The following DMXL2 variants were observed in gnomAD, a reference collection of about 807,000 sequenced individuals.
DMXL2 encodes Dmx like 2, also known as dmX-like protein 2.
DMXL2 carries 103 observed loss-of-function variants against 331.1 expected under a neutral mutation model. The ratio of observed to expected loss-of-function variants is 0.31; its 90% CI spans 0.27 to 0.37. The LOEUF (loss-of-function observed/expected upper bound fraction) is 0.37, where lower values mean the gene tolerates loss of function less well. Among genes scored for constraint, DMXL2 ranks in the 10% least tolerant of loss-of-function variants. The pLI, the probability that DMXL2 is intolerant of heterozygous loss-of-function variation, is 1.00. For synonymous variants in DMXL2, 1,281 were observed against 1,252.1 expected (o/e 1.02, Z -0.49); for missense variants, 3,171 against 3,642.9 (o/e 0.87, Z 3.33).
chr15:51,594,227 G>A (rs1166022443), intron 1 of DMXL2, among the ~76,000 whole-genome samples: 1 of 152,184 alleles, frequency 6.6e-6, no homozygotes, highest in Non-Finnish European at 1.5e-5. Flanking sequence ...AAATGATAAA[G>A]GGGATATCAC....
chr15:51,551,927 C>A (rs1425633085), intron 6 of DMXL2, among the ~76,000 whole-genome samples: 1 of 152,160 alleles, frequency 6.6e-6, no homozygotes, highest in African/African-American at 2.4e-5. Context: ...AATAAGGAGA[C>A]TTGACCTTGC....
chr15:51,617,379 C>T (rs1026129126), intron 1 of DMXL2, among the ~76,000 whole-genome samples: 1 of 152,114 alleles, frequency 6.6e-6, no homozygotes, highest in African/African-American at 2.4e-5. Context: ...TGCCAAGGAC[C>T]AAAACCTAAT....
chr15:51,609,112 T>C (rs1210929843), intron 1 of DMXL2, among the ~76,000 whole-genome samples: 3 of 152,198 alleles, frequency 2.0e-5, no homozygotes, highest in African/African-American at 7.2e-5. Flanking sequence ...GAATGCATCC[T>C]GTAATTTCTA....
intron 22 of DMXL2, among the ~76,000 whole-genome samples, chr15:51,487,191 A>G (rs925723347): frequency 1.1e-4 from 16 of 152,166 alleles, no homozygotes; most frequent in African/African-American, 3.6e-4. Context: ...ACCTCCTCAC[A>G]TCGTTTTCTA....
At chr15:51,608,240 C>T (rs943396119) in intron 1 of DMXL2, among the ~76,000 whole-genome samples, 6 of 152,128 alleles carry the variant, frequency 3.9e-5, no homozygotes, top group African/African-American at 1.4e-4. Flanking sequence ...CCCAGCAATC[C>T]CATTATTGGG....
Position 51,471,281 on chromosome 15 carries a change from G to T in DMXL2, c.7334C>A (p.Ser2445Tyr), listed in dbSNP as rs749417118. 1.9e-5 allele frequency: 30 copies of T among 1,613,932 alleles called. No individual in the cohort carries two copies. Among genetic ancestry groups the T allele is most frequent in the Middle Eastern group, 1.6e-4 (1 of 6,084 alleles). ...TPPPVPAERPSYKEKFIPPEL... is the reference protein window; with the variant it reads ...TPPPVPAERPYYKEKFIPPEL... Reference sequence around the variant, plus strand: ...GGGAGGAATAAATTTTTCTTTGTAAGATGGTCTTTCTGCAGGCACCGGTGG... The same window carrying T: ...GGGAGGAATAAATTTTTCTTTGTAATATGGTCTTTCTGCAGGCACCGGTGG... Residue 2445 changes from serine to tyrosine, a missense_variant, in exon 29 of 44, where the codon TCT (serine) becomes TAT (tyrosine). Ser to Tyr is a moderately radical substitution (Grantham distance 144). Coordinates refer to ENST00000560891, the MANE Select transcript of DMXL2 (RefSeq NM_001378457.1).
intron 23 of DMXL2, among the ~76,000 whole-genome samples, chr15:51,484,821 C>A (rs553392134): frequency 3.0e-4 from 46 of 151,912 alleles, no homozygotes; most frequent in African/African-American, 1.1e-3. Flanking sequence ...AGATATACAA[C>A]TAAATGAAAT....
intron 1 of DMXL2, among the ~76,000 whole-genome samples, chr15:51,595,188 A>G (rs996175955): frequency 1.1e-4 from 16 of 152,358 alleles, no homozygotes; most frequent in African/African-American, 3.8e-4. Flanking sequence ...TCTCAGCCCA[A>G]AATCTCCTTA....
chr15:51,543,095 T>C (rs907864147), intron 8 of DMXL2, among the ~76,000 whole-genome samples: 2 of 152,192 alleles, frequency 1.3e-5, no homozygotes, highest in African/African-American at 4.8e-5. Context: ...TATGTTTAAA[T>C]AGAGATAAAT....
intron 15 of DMXL2, among the ~76,000 whole-genome samples, chr15:51,510,237 T>C (rs1402756755): frequency 6.6e-6 from 1 of 152,096 alleles, no homozygotes; most frequent in Non-Finnish European, 1.5e-5. Flanking sequence ...CAATAAAGGG[T>C]ATTCAAATAG....
Position 51,498,977 on chromosome 15 carries a change from C to T in DMXL2, c.4247G>A (p.Gly1416Asp). 1.2e-6 allele frequency: 2 copies of T among 1,613,986 alleles called. No homozygotes were observed. The highest frequency in any genetic ancestry group is 1.3e-5 in the African/African-American group (1 of 75,044). ...AKETVTVGKD[G>D]TRDYTEIDSI... ...ATCTATCTCAGTATAATCTCGAGTA[C>T]CATCTTTTCCTACGGTGACTGTTTC... The change falls in exon 18 of 44, where the codon GGT (glycine) becomes GAT (aspartate). Residue 1416 changes from glycine to aspartate, a missense_variant. Gly to Asp is a moderately conservative substitution (Grantham distance 94, BLOSUM62 -1). This residue lies in a region of DMXL2 where 1,674 missense variants were observed against 1,780.2 expected (regional missense o/e 0.94). Coordinates refer to ENST00000560891, the MANE Select transcript of DMXL2 (RefSeq NM_001378457.1).
intron 15 of DMXL2, 63 bp from the exon 16 acceptor site, chr15:51,507,316 T>C: frequency 6.8e-7 from 1 of 1,476,660 alleles, no homozygotes; most frequent in East Asian, 2.4e-5. Flanking sequence ...AAAAACACTT[T>C]TTAAAAGCTA....
At chr15:51,601,412 TG>T (rs1184422269) in intron 1 of DMXL2, among the ~76,000 whole-genome samples, 21 of 152,200 alleles carry the variant, frequency 1.4e-4, no homozygotes, top group Non-Finnish European at 2.9e-5. Context: ...TGTTCTGTCT[TG>T]CACATCTCTA....
At chr15:51,500,834 G>A (rs2043539086) in intron 17 of DMXL2, among the ~76,000 whole-genome samples, 1 of 152,160 alleles carries the variant, frequency 6.6e-6, no homozygotes. Context: ...GACTAACAAT[G>A]CACATCTGTT....
Position 51,481,042 on chromosome 15 carries a change from TTAA to T in DMXL2, c.6061_6063del (p.Leu2021del). On this transcript the variant is annotated inframe_deletion, in exon 24 of 44. Coordinates refer to ENST00000560891, the MANE Select transcript of DMXL2 (RefSeq NM_001378457.1). The stretch of plus-strand genomic sequence containing the variant: ...TCAGGATCATCCTCTTCCTGAGGTG[TTAA>T]TAACATGTTAGGGTCTGAGGCCTTC... 6.2e-7 allele frequency: 1 copy of T among 1,614,134 alleles called. No individual in the cohort carries two copies. The highest frequency in any genetic ancestry group is 2.2e-5 in the East Asian group (1 of 44,880).
chr15:51,480,539 C>G lies in DMXL2; in HGVS notation c.6564+3G>C. ...AAGATTGAAAAAAAAGTGATATTCA[C>G]ACCTGTTGTGATTCTTGTAGCAAAA... On this transcript the variant is annotated splice_donor_region_variant and intron_variant, in intron 24 of 43. Transcript: ENST00000560891. 6.6e-7 allele frequency: 1 copy of G among 1,508,492 alleles called. No homozygotes were observed. The highest frequency in any genetic ancestry group is 1.4e-5 in the African/African-American group (1 of 71,796). 93.4% of individuals were successfully genotyped at this position (1,508,492 alleles called of 1,614,324 possible). A position where few individuals can be genotyped will look rare whatever the true frequency, so the allele number is the denominator to read the frequency against.
chr15:51,587,177 T>C (rs1030154289), intron 1 of DMXL2, among the ~76,000 whole-genome samples: 3 of 152,196 alleles, frequency 2.0e-5, no homozygotes, highest in Non-Finnish European at 2.9e-5. Flanking sequence ...AAATAACTTT[T>C]TTTATTATAC....
In DMXL2 at chr15:51,461,295, G is replaced by C. The variant is rs369155599; in HGVS notation, c.7927-1635C>G. ...GGAGACTAAGGGGCGGAGAGGGGGA[G>C]AATTAGTTAAGGAAGAAGCAAACTC... On this transcript the variant is annotated intron_variant, in intron 33 of 43. Transcript: ENST00000560891. Among the ~76,000 whole-genome samples the C allele has an allele frequency of 3.2e-4, 49 of 152,196 alleles. No homozygotes were observed. In the South Asian group the frequency reaches 1.0e-2, roughly 31 times the overall value.
chr15:51,582,829 A>G (rs894792530), intron 1 of DMXL2, among the ~76,000 whole-genome samples: 1 of 152,074 alleles, frequency 6.6e-6, no homozygotes, highest in Non-Finnish European at 1.5e-5. Flanking sequence ...AATCACACAT[A>G]TATTAAATTT....
Sources: allele counts gnomAD v4.1 joint callset (sites outside exome capture counted in the v4.1 genomes callset), GRCh38; gene constraint gnomAD v4.1.1; regional missense constraint gnomAD v4.1.1; transcripts MANE v1.5; gene names NCBI Gene and HGNC (gene_info 2026-07-23, HGNC 2026-07-21).